DCC: variants seen among roughly 807,000 people sequenced by gnomAD.
DCC encodes the protein DCC netrin 1 receptor.
DCC carries 58 observed loss-of-function variants against 172.5 expected under a neutral mutation model. That is an observed-to-expected ratio of 0.34 (90% confidence interval 0.27 to 0.42). The LOEUF (loss-of-function observed/expected upper bound fraction) is 0.42. Among genes scored for constraint, DCC ranks in the 10% least tolerant of loss-of-function variants. DCC has a pLI of 1.00. For synonymous variants in DCC, 709 were observed against 644.5 expected (o/e 1.10, Z -1.52); for missense variants, 1,740 against 1,791.0 (o/e 0.97, Z 0.51).
intron 12 of DCC, among the ~76,000 whole-genome samples, chr18:53,302,797 CGA>C (rs1305192103): frequency 6.6e-6 from 1 of 152,060 alleles, no homozygotes; most frequent in African/African-American, 2.4e-5. Flanking sequence ...TTTCTAATAT[CGA>C]GTGTTGTTGA....
chr18:52,689,465 G>A (rs756924269), intron 1 of DCC, among the ~76,000 whole-genome samples: 23 of 152,078 alleles, frequency 1.5e-4, no homozygotes, highest in Admixed American at 6.6e-4. Context: ...ATAAATTGAC[G>A]CATCAGGTTC....
chr18:53,369,373 A>T (rs1178502401), intron 15 of DCC, among the ~76,000 whole-genome samples: 2 of 151,886 alleles, frequency 1.3e-5, no homozygotes, highest in African/African-American at 2.4e-5. Context: ...AAAACTGAAA[A>T]GTTATATTTG....
intron 27 of DCC, among the ~76,000 whole-genome samples, chr18:53,517,348 A>G (rs1251009446): frequency 2.6e-5 from 4 of 151,984 alleles, no homozygotes; most frequent in African/African-American, 7.2e-5. Flanking sequence ...ACCTAATGCT[A>G]GATGACGAGT....
chr18:52,694,498 C>A (rs902167607), intron 1 of DCC, among the ~76,000 whole-genome samples: 3 of 152,046 alleles, frequency 2.0e-5, no homozygotes, highest in African/African-American at 7.2e-5. Context: ...GTTCTATAAC[C>A]CAGCAGGGTC....
At chr18:53,054,267 GAT>G (rs2042373210) in intron 5 of DCC, among the ~76,000 whole-genome samples, 1 of 146,538 alleles carries the variant, frequency 6.8e-6, no homozygotes, top group Admixed American at 6.8e-5. Context: ...AGAACCCACA[GAT>G]ATATATGAAG....
chr18:53,180,361 T>A (rs73960212), intron 9 of DCC, among the ~76,000 whole-genome samples: 6,071 of 152,234 alleles, frequency 0.04, 382 homozygotes, highest in African/African-American at 0.13. Flanking sequence ...AAAAGCATAG[T>A]CATGTTGAGG....
At chr18:53,186,177 A>G (rs574406025) in intron 9 of DCC, among the ~76,000 whole-genome samples, 67 of 152,316 alleles carry the variant, frequency 4.4e-4, no homozygotes, top group Non-Finnish European at 8.2e-4. Flanking sequence ...TATCTGCTTC[A>G]TGAGAAATTG....
At position 53,465,581 on chromosome 18, in the gene DCC, C is replaced by T. The variant is rs192037001; in HGVS notation, c.3620-2313C>T. 4.5e-3 allele frequency among the ~76,000 whole-genome samples: 683 copies of T among 152,046 alleles called. 11 individuals are homozygous for T. Among genetic ancestry groups the T allele is most frequent in the South Asian group, 0.011 (53 of 4,804 alleles). ...TGGATTTCTTTGGTTTTATCCTGTT[C>T]GGGGATTACTGAATTTCTTGAAACT... On this transcript the variant is annotated intron_variant, in intron 24 of 28. Coordinates refer to ENST00000442544, the MANE Select transcript of DCC (RefSeq NM_005215.4).
At chr18:53,045,393 G>A (rs1392737624) in intron 5 of DCC, among the ~76,000 whole-genome samples, 1 of 151,858 alleles carries the variant, frequency 6.6e-6, no homozygotes, top group Non-Finnish European at 1.5e-5. Flanking sequence ...AGAGGAAGAA[G>A]TGTTTCCTTG....
intron 2 of DCC, among the ~76,000 whole-genome samples, chr18:52,804,437 T>A (rs1383431007): frequency 1.3e-5 from 2 of 152,180 alleles, no homozygotes; most frequent in African/African-American, 4.8e-5. Context: ...TCATCTACAT[T>A]GTATCGTTGA....
Position 53,037,019 on chromosome 18 carries a change from A to G in DCC, c.986-26286A>G, listed in dbSNP as rs569033703. Among the ~76,000 whole-genome samples, 27 of 152,120 alleles carry G rather than the reference A, an allele frequency of 1.8e-4. 1 individual carries two copies. The South Asian group carries it at 5.2e-3, about 29-fold the overall frequency. On this transcript the variant is annotated intron_variant, in intron 5 of 28. Coordinates refer to ENST00000442544, the MANE Select transcript of DCC (RefSeq NM_005215.4). ...CCATATCAATCCTTAAAACTCTGCAAACATAGAATTATTTTCATCAGTTTC... is the reference window on the plus strand; with the variant it reads ...CCATATCAATCCTTAAAACTCTGCAGACATAGAATTATTTTCATCAGTTTC...
intron 21 of DCC, among the ~76,000 whole-genome samples, chr18:53,418,427 C>A (rs1599127400): frequency 6.6e-6 from 1 of 152,042 alleles, no homozygotes; most frequent in Non-Finnish European, 1.5e-5. Context: ...ACTCCCATTC[C>A]CAGAACACAG....
At chr18:52,947,838 A>C (rs2145540325) in intron 5 of DCC, among the ~76,000 whole-genome samples, 1 of 152,310 alleles carries the variant, frequency 6.6e-6, no homozygotes, top group East Asian at 1.9e-4. Context: ...CAAGAATCTT[A>C]AATGATTCTT....
intron 15 of DCC, among the ~76,000 whole-genome samples, chr18:53,360,634 T>G (rs1197461197): frequency 6.6e-6 from 1 of 152,124 alleles, no homozygotes; most frequent in African/African-American, 2.4e-5. Flanking sequence ...GTAAATTAAC[T>G]TGTATAAATG....
intron 1 of DCC, among the ~76,000 whole-genome samples, chr18:52,686,760 G>T (rs2035842779): frequency 6.6e-6 from 1 of 152,110 alleles, no homozygotes; most frequent in South Asian, 2.1e-4. Flanking sequence ...GGATTTAAGA[G>T]GGTTGGAGAT....
chr18:53,213,151 G>A (rs529633412), intron 11 of DCC, among the ~76,000 whole-genome samples: 1 of 152,110 alleles, frequency 6.6e-6, no homozygotes, highest in Non-Finnish European at 1.5e-5. Context: ...ATATCAGCTA[G>A]AACAGTACCT....
At chr18:53,023,894 A>C (rs373280307) in intron 5 of DCC, among the ~76,000 whole-genome samples, 1 of 152,240 alleles carries the variant, frequency 6.6e-6, no homozygotes, top group African/African-American at 2.4e-5. Context: ...CCCAAATTCC[A>C]CTTGATCGTC....
intron 1 of DCC, among the ~76,000 whole-genome samples, chr18:52,618,500 A>G (rs1184783571): frequency 6.6e-6 from 1 of 152,188 alleles, no homozygotes; most frequent in African/African-American, 2.4e-5. Context: ...TGTAATAACT[A>G]TCCCTAAAAC....
At chr18:52,684,288 A>G (rs1004498585) in intron 1 of DCC, among the ~76,000 whole-genome samples, 1 of 152,136 alleles carries the variant, frequency 6.6e-6, no homozygotes, top group African/African-American at 2.4e-5. Flanking sequence ...GGGGTTAGCG[A>G]GTTTGATGGA....
Sources: allele counts gnomAD v4.1 joint callset (sites outside exome capture counted in the v4.1 genomes callset), GRCh38; gene constraint gnomAD v4.1.1; transcripts MANE v1.5; gene names NCBI Gene and HGNC (gene_info 2026-07-23, HGNC 2026-07-21).